Variants in FHL5 observed in about 807,000 individuals in gnomAD.
FHL5 encodes four and a half LIM domains protein 5.
In FHL5, 33 loss-of-function variants were observed where a neutral mutation model predicts 32.0. The observed-to-expected ratio is 1.03, with a 90% CI of 0.78 to 1.38. The LOEUF (loss-of-function observed/expected upper bound fraction) is 1.38. Ranked by LOEUF, FHL5 falls within the 40% of genes most tolerant of loss-of-function variation. The pLI is 0.00. For missense variants in FHL5, 336 were observed against 343.9 expected (o/e 0.98, Z 0.18); for synonymous variants, 114 against 113.6 (o/e 1.00, Z -0.02).
In FHL5 at chr6:96,617,751, T is replaced by C. The variant is rs1771551770; in HGVS notation, c.*1979T>C. 6.6e-6 allele frequency among the ~76,000 whole-genome samples: 1 copy of C among 152,214 alleles called. No homozygotes were observed. The highest frequency in any genetic ancestry group is 2.4e-5 in the African/African-American group (1 of 41,462). ...ATGTAATGTTTTCTTAGTTAAACAA[T>C]TGGAAATGTTTAGGCATTTTACTGT... On this transcript the variant is annotated 3_prime_UTR_variant, in exon 6 of 6. Coordinates refer to ENST00000450218, the MANE Select transcript of FHL5 (RefSeq NM_001322466.2).
intron 1 of FHL5, among the ~76,000 whole-genome samples, chr6:96,587,387 T>C (rs1436619094): frequency 6.6e-6 from 1 of 152,168 alleles, no homozygotes; most frequent in Non-Finnish European, 1.5e-5. Flanking sequence ...GTTACTTATG[T>C]AAAAAGACTA....
At chr6:96,594,147 A>G (rs1314718085) in intron 1 of FHL5, among the ~76,000 whole-genome samples, 1 of 149,360 alleles carries the variant, frequency 6.7e-6, no homozygotes, top group Non-Finnish European at 1.5e-5. Flanking sequence ...TTGGAAGGAA[A>G]TGAACAGAAT....
intron 1 of FHL5, among the ~76,000 whole-genome samples, chr6:96,602,426 CTTTTT>C (rs1168636713): frequency 0.013 from 434 of 33,602 alleles, 13 homozygotes; most frequent in African/African-American, 0.026. Context: ...TGCGTTGTTT[CTTTTT>C]TTTTTTTTTT....
intron 1 of FHL5, among the ~76,000 whole-genome samples, chr6:96,594,152 C>T (rs572447476): frequency 6.5e-4 from 95 of 145,256 alleles, no homozygotes; most frequent in Non-Finnish European, 1.2e-3. Flanking sequence ...AGGAAATGAA[C>T]AGAATGAGTG....
intron 1 of FHL5, among the ~76,000 whole-genome samples, chr6:96,582,587 C>T (rs951444467): frequency 6.6e-6 from 1 of 151,896 alleles, no homozygotes; most frequent in Non-Finnish European, 1.5e-5. Flanking sequence ...AAATGGAAAG[C>T]TCTAGTCAGC....
In FHL5 at chr6:96,592,350, G is replaced by A. The variant is rs183990582; in HGVS notation, c.-12-11252G>A. On this transcript the variant is annotated intron_variant, in intron 1 of 5. Transcript: ENST00000450218. ...CTTCTCCCATTTGCTTTTGAAAGAA[G>A]AGAAATACGGCTCTGTTCCGCCCAG... Among the ~76,000 whole-genome samples the A allele has an allele frequency of 9.1e-4, 139 of 152,284 alleles. 1 individual carries two copies. Among genetic ancestry groups the A allele is most frequent in the African/African-American group, 3.2e-3 (135 of 41,554 alleles).
At chr6:96,615,201 AAACTT>A (rs1259327066) in intron 5 of FHL5, among the ~76,000 whole-genome samples, 3 of 152,226 alleles carry the variant, frequency 2.0e-5, no homozygotes, top group Non-Finnish European at 4.4e-5. Flanking sequence ...GCAGCTAAGA[AAACTT>A]AAAGTCATAT....
At chr6:96,565,805 C>T (rs1347194669) in intron 1 of FHL5, among the ~76,000 whole-genome samples, 1 of 152,044 alleles carries the variant, frequency 6.6e-6, no homozygotes, top group Non-Finnish European at 1.5e-5. Context: ...ATTTAAGTAA[C>T]ATGTCATAAG....
At chr6:96,603,308 G>A (rs1383230165) in intron 1 of FHL5, among the ~76,000 whole-genome samples, 1 of 151,988 alleles carries the variant, frequency 6.6e-6, no homozygotes, top group Non-Finnish European at 1.5e-5. Flanking sequence ...TATTCTCATT[G>A]AATTCCACAT....
At chr6:96,580,309 T>A (rs1364635045) in intron 1 of FHL5, among the ~76,000 whole-genome samples, 1 of 152,188 alleles carries the variant, frequency 6.6e-6, no homozygotes, top group East Asian at 1.9e-4. Context: ...ACAATGGCTA[T>A]TGCTTGGCTC....
intron 1 of FHL5, among the ~76,000 whole-genome samples, chr6:96,573,810 C>T (rs1185986321): frequency 1.4e-4 from 21 of 151,772 alleles, no homozygotes; most frequent in Admixed American, 9.9e-4. Flanking sequence ...CATGAACCAC[C>T]GCGTCTGGCC....
intron 1 of FHL5, among the ~76,000 whole-genome samples, chr6:96,572,489 G>A (rs1427910733): frequency 2.6e-5 from 4 of 152,092 alleles, no homozygotes; most frequent in Admixed American, 2.6e-4. Context: ...CTGGGGATGG[G>A]GTGGTTCAGG....
intron 4 of FHL5, among the ~76,000 whole-genome samples, chr6:96,607,016 C>A (rs1771296063): frequency 6.6e-6 from 1 of 151,974 alleles, no homozygotes; most frequent in South Asian, 2.1e-4. Context: ...GGCCTTCTGA[C>A]TTGGCTTCCC....
chr6:96,583,632 T>C (rs920368299), intron 1 of FHL5, among the ~76,000 whole-genome samples: 2 of 152,118 alleles, frequency 1.3e-5, no homozygotes, highest in Non-Finnish European at 2.9e-5. Flanking sequence ...AGAAAAGCCC[T>C]TTAATCTTGT....
At chr6:96,594,258 TA>T (rs1562059676) in intron 1 of FHL5, among the ~76,000 whole-genome samples, 1,402 of 118,896 alleles carry the variant, frequency 0.012, 45 homozygotes, top group Middle Eastern at 0.02. Context: ...TATATATATA[TA>T]TATATATATA....
At chr6:96,594,375 C>T (rs1347445831) in intron 1 of FHL5, among the ~76,000 whole-genome samples, 2 of 150,708 alleles carry the variant, frequency 1.3e-5, no homozygotes, top group Non-Finnish European at 3.0e-5. Flanking sequence ...TTGTTTTACC[C>T]CCAGAGGATG....
chr6:96,565,652 T>C (rs990170346), intron 1 of FHL5, among the ~76,000 whole-genome samples: 3 of 152,132 alleles, frequency 2.0e-5, no homozygotes, highest in Non-Finnish European at 2.9e-5. Flanking sequence ...TTTAAAAATA[T>C]ACCTTTTTGT....
Position 96,607,975 on chromosome 6 carries a change from A to G in FHL5, c.504+1904A>G, listed in dbSNP as rs111446289. 2.7e-3 allele frequency among the ~76,000 whole-genome samples: 410 copies of G among 152,206 alleles called. 1 individual carries two copies. Among genetic ancestry groups the G allele is most frequent in the African/African-American group, 9.1e-3 (380 of 41,538 alleles). ...CCACTGTACTCCAGCCTGGGTGACAATGAGATCCTATCTCTAAAAAATATA... is the reference window on the plus strand; with the variant it reads ...CCACTGTACTCCAGCCTGGGTGACAGTGAGATCCTATCTCTAAAAAATATA... On this transcript the variant is annotated intron_variant, in intron 4 of 5. Coordinates refer to ENST00000450218, the MANE Select transcript of FHL5 (RefSeq NM_001322466.2).
chr6:96,573,865 C>A (rs948910695), intron 1 of FHL5, among the ~76,000 whole-genome samples: 6 of 151,928 alleles, frequency 3.9e-5, no homozygotes, highest in Admixed American at 6.6e-5. Flanking sequence ...TTAAATTAAA[C>A]AATTATACTC....
Sources: allele counts gnomAD v4.1 joint callset (sites outside exome capture counted in the v4.1 genomes callset), GRCh38; gene constraint gnomAD v4.1.1; transcripts MANE v1.5; gene names NCBI Gene and HGNC (gene_info 2026-07-23, HGNC 2026-07-21).